The following NPHP1 variants were observed in gnomAD, a reference collection of about 807,000 sequenced individuals.
NPHP1 encodes nephrocystin-1.
A neutral mutation model predicts 90.4 loss-of-function variants in NPHP1; 70 were observed. The ratio of observed to expected loss-of-function variants is 0.77; its 90% CI spans 0.64 to 0.95. The LOEUF (loss-of-function observed/expected upper bound fraction) is 0.95. Among genes scored for constraint, NPHP1 ranks in the 40% least tolerant of loss-of-function variants. NPHP1 has a pLI of 0.00. For synonymous variants in NPHP1, 256 were observed against 271.7 expected (o/e 0.94, Z 0.57); for missense variants, 764 against 795.9 (o/e 0.96, Z 0.48).
rs150539809 is a variant in NPHP1, at chr2:110,131,187, A to C, written c.1642+492T>G. Among the ~76,000 whole-genome samples, 281 of 152,282 alleles carry C rather than the reference A, an allele frequency of 1.8e-3. 1 individual carries two copies. The highest frequency in any genetic ancestry group is 6.6e-3 in the African/African-American group (274 of 41,564). ...TATTTTTTAACATTTTACTTGGTAA[A>C]AATTTCAAACGTACAAAAAAGTTGC... On this transcript the variant is annotated intron_variant, in intron 17 of 19. Transcript: ENST00000445609.
chr2:110,160,167 A>T lies in NPHP1; in HGVS notation c.1043T>A (p.Leu348His). The part of the protein sequence containing the change: ...IPLPGMSIQV[L>H]SRHVRLCLFD... ...TAGACAGAGGCGTACATGTCTGCTG[A>T]GAACCTGTATGCTCATTCCTGGAAG... Residue 348 changes from leucine to histidine, a missense_variant, in exon 11 of 20, where the codon CTC becomes CAC. Transcript: ENST00000445609. 6.2e-7 allele frequency: 1 copy of T among 1,612,898 alleles called. No homozygotes were observed. The highest frequency in any genetic ancestry group is 8.5e-7 in the Non-Finnish European group (1 of 1,178,996).
chr2:110,145,931 G>A (rs900731221), intron 14 of NPHP1, among the ~76,000 whole-genome samples: 1 of 152,186 alleles, frequency 6.6e-6, no homozygotes, highest in East Asian at 1.9e-4. Flanking sequence ...AATGTGGCAG[G>A]AGGCCACATA....
At chr2:110,144,176 A>T in intron 15 of NPHP1, 1 of 381,268 alleles carries the variant, frequency 2.6e-6, no homozygotes, top group East Asian at 6.0e-5. Context: ...TTACTGTTTC[A>T]AATGTCTGCA....
At chr2:110,130,836 T>C (rs1400951037) in intron 17 of NPHP1, among the ~76,000 whole-genome samples, 1 of 152,178 alleles carries the variant, frequency 6.6e-6, no homozygotes, top group Non-Finnish European at 1.5e-5. Context: ...AGCCTTTCCT[T>C]ACCCTACACA....
intron 2 of NPHP1, chr2:110,184,433 C>T (rs1413056761): frequency 2.3e-5 from 15 of 662,128 alleles, no homozygotes; most frequent in Admixed American, 7.1e-5. Context: ...GAGCTGCCAA[C>T]GTTTTCTTCA....
intron 11 of NPHP1, among the ~76,000 whole-genome samples, chr2:110,152,076 C>T (rs760549807): frequency 6.6e-6 from 1 of 152,132 alleles, no homozygotes; most frequent in Non-Finnish European, 1.5e-5. Context: ...AATCACACTG[C>T]TTTCTGTGCA....
intron 12 of NPHP1, among the ~76,000 whole-genome samples, chr2:110,148,623 A>C (rs1681243102): frequency 6.6e-6 from 1 of 152,198 alleles, no homozygotes; most frequent in Non-Finnish European, 1.5e-5. Flanking sequence ...CTTCACTTTT[A>C]AAGGGAAAAT....
At chr2:110,126,961 C>A (rs1162617070) in intron 18 of NPHP1, 1 of 152,572 alleles carries the variant, frequency 6.6e-6, no homozygotes, top group Middle Eastern at 3.2e-3. Context: ...TAGAGTAACT[C>A]ATTTGGGAAT....
chr2:110,123,823 A>G lies in NPHP1; in HGVS notation c.2002T>C (p.Phe668Leu). Reference protein sequence around the residue: ...PFDLSEQTYDFLGEMRKNAV With the variant: ...PFDLSEQTYDLLGEMRKNAV ...GCATTCTTTCTCATTTCACCCAAGA[A>G]GTCATAGGTCTGCTCTGAAAGGTCA... The change falls in exon 20 of 20, where the codon TTC becomes CTC. Residue 668 changes from phenylalanine (F) to leucine (L), a missense_variant. By Grantham distance (22) the Phe-to-Leu change is conservative. Transcript: ENST00000445609. The G allele has an allele frequency of 6.2e-7, 1 of 1,614,118 alleles. No individual in the cohort carries two copies. The highest frequency in any genetic ancestry group is 8.5e-7 in the Non-Finnish European group (1 of 1,179,996).
chr2:110,174,669 C>T (rs2104597024), intron 4 of NPHP1, among the ~76,000 whole-genome samples: 1 of 152,118 alleles, frequency 6.6e-6, no homozygotes, highest in East Asian at 1.9e-4. Flanking sequence ...TGGACATACA[C>T]AAAGCAGCAA....
Position 110,160,404 on chromosome 2 carries a change from C to A in NPHP1, c.955-149G>T, listed in dbSNP as rs911334912. 5.3e-5 allele frequency: 32 copies of A among 609,178 alleles called. No individual in the cohort carries two copies. The Admixed American group carries it at 9.8e-4, about 19-fold the overall frequency. The allele number at this position is 609,178 out of a possible 1,614,324, so 37.7% of individuals were successfully genotyped here. On this transcript the variant is annotated intron_variant, in intron 10 of 19. Transcript: ENST00000445609. ...ACAATAAAAGTTTCAATACTCTGTT[C>A]ATTGAAAATTAAATCAGTCATTTTA...
intron 10 of NPHP1, 101 bp downstream of exon 10, chr2:110,161,502 G>A: frequency 1.3e-6 from 1 of 791,322 alleles, no homozygotes; most frequent in Non-Finnish European, 2.1e-6. Flanking sequence ...CAATTTTTTT[G>A]TTTTTTATAA....
chr2:110,126,062 T>G (rs945162794), intron 18 of NPHP1: 1 of 286,004 alleles, frequency 3.5e-6, no homozygotes, highest in African/African-American at 2.2e-5. Context: ...CAAACTTTTC[T>G]ACAATTCTCT....
chr2:110,182,897 T>C (rs372306909), intron 2 of NPHP1, among the ~76,000 whole-genome samples: 1 of 151,892 alleles, frequency 6.6e-6, no homozygotes, highest in East Asian at 1.9e-4. Context: ...CTTCAAGAGA[T>C]CCACGTCATT....
intron 4 of NPHP1, among the ~76,000 whole-genome samples, chr2:110,172,927 G>T (rs1227536503): frequency 2.6e-5 from 4 of 151,020 alleles, no homozygotes; most frequent in African/African-American, 9.7e-5. Flanking sequence ...GTGACAATTT[G>T]CAAACATGTA....
chr2:110,200,816 T>C (rs1179381541), intron 2 of NPHP1, among the ~76,000 whole-genome samples: 1 of 152,154 alleles, frequency 6.6e-6, no homozygotes, highest in Non-Finnish European at 1.5e-5. Flanking sequence ...TTAAGCACTC[T>C]GAATGCCTGA....
chr2:110,203,232 C>T (rs1001732924), intron 1 of NPHP1, among the ~76,000 whole-genome samples: 1 of 149,246 alleles, frequency 6.7e-6, no homozygotes, highest in African/African-American at 2.5e-5. Context: ...AAGATGGGAG[C>T]AATGGACACT....
At chr2:110,168,795 C>T (rs1238287978) in intron 5 of NPHP1, among the ~76,000 whole-genome samples, 1 of 152,068 alleles carries the variant, frequency 6.6e-6, no homozygotes, top group Non-Finnish European at 1.5e-5. Context: ...CTAACATACA[C>T]TTGAGCCATT....
chr2:110,161,842 C>T (rs1356602270), intron 9 of NPHP1, 145 bp from the exon 10 acceptor site: 4 of 617,822 alleles, frequency 6.5e-6, no homozygotes, highest in Non-Finnish European at 1.2e-5. Context: ...AATAGAAGCG[C>T]CAATATAGAT....
Sources: allele counts gnomAD v4.1 joint callset (sites outside exome capture counted in the v4.1 genomes callset), GRCh38; gene constraint gnomAD v4.1.1; transcripts MANE v1.5; gene names NCBI Gene and HGNC (gene_info 2026-07-23, HGNC 2026-07-21).